APBB2: variants seen among roughly 807,000 people sequenced by gnomAD.
APBB2 encodes Fe65-like 1.
A neutral mutation model predicts 82.5 loss-of-function variants in APBB2; 38 were observed. The ratio of observed to expected loss-of-function variants is 0.46; its 90% confidence interval spans 0.36 to 0.60. APBB2 has a LOEUF of 0.60. Among genes scored for constraint, APBB2 ranks in the 20% least tolerant of loss-of-function variants. The probability of loss-of-function intolerance (pLI) is 0.00; values close to 1 mark genes in which losing one functional copy is unlikely to be tolerated. For synonymous variants in APBB2, 341 were observed against 368.2 expected (o/e 0.93, Z 0.85); for missense variants, 772 against 972.3 (o/e 0.79, Z 2.74).
chr4:40,858,307 A>G (rs898855732), intron 12 of APBB2, among the ~76,000 whole-genome samples: 1 of 152,226 alleles, frequency 6.6e-6, no homozygotes, highest in Middle Eastern at 3.4e-3. Flanking sequence ...GTTTCTGGGC[A>G]AGCGTAAGTT....
chr4:40,833,999 T>C lies in APBB2; in HGVS notation c.1530-3422A>G, dbSNP rs1353827474. Among the ~76,000 whole-genome samples the C allele has an allele frequency of 4.6e-5, 7 of 152,200 alleles. No individual in the cohort carries two copies. The East Asian group carries it at 1.3e-3, about 29-fold the overall frequency. ...AAAAAATTATGATTATTAATCTTCATTTTCCTCTGGCGCAGAGCAAGGTGA... is the reference window on the plus strand; with the variant it reads ...AAAAAATTATGATTATTAATCTTCACTTTCCTCTGGCGCAGAGCAAGGTGA... On this transcript the variant is annotated intron_variant, in intron 12 of 17. Coordinates refer to ENST00000508593, the MANE Select transcript of APBB2 (RefSeq NM_004307.2).
chr4:41,067,541 G>A (rs975531747), intron 3 of APBB2, among the ~76,000 whole-genome samples: 1 of 152,094 alleles, frequency 6.6e-6, no homozygotes, highest in African/African-American at 2.4e-5. Context: ...TTACAACATA[G>A]AAAGGAGCAG....
chr4:40,980,966 A>G (rs1798316699), intron 6 of APBB2, among the ~76,000 whole-genome samples: 1 of 152,070 alleles, frequency 6.6e-6, no homozygotes, highest in South Asian at 2.1e-4. Flanking sequence ...CCAATTAAAG[A>G]CCCCGCTGAA....
chr4:41,029,894 T>C (rs1478999066), intron 5 of APBB2, among the ~76,000 whole-genome samples: 1 of 152,096 alleles, frequency 6.6e-6, no homozygotes, highest in Non-Finnish European at 1.5e-5. Flanking sequence ...CGGTGGTTCA[T>C]GCCTGTAATC....
chr4:41,004,024 T>C (rs1460680168), intron 6 of APBB2, among the ~76,000 whole-genome samples: 2 of 152,076 alleles, frequency 1.3e-5, no homozygotes, highest in African/African-American at 4.8e-5. Context: ...GATTTTGGAT[T>C]TCTAGCCTCC....
chr4:40,985,746 C>T (rs1034015086), intron 6 of APBB2, among the ~76,000 whole-genome samples: 1 of 152,130 alleles, frequency 6.6e-6, no homozygotes, highest in Non-Finnish European at 1.5e-5. Context: ...CACCAACTCT[C>T]TAAGTATTAA....
intron 6 of APBB2, among the ~76,000 whole-genome samples, chr4:40,989,166 G>A (rs1431273746): frequency 1.3e-5 from 2 of 152,140 alleles, no homozygotes; most frequent in African/African-American, 4.8e-5. Flanking sequence ...AGTATTAACA[G>A]TCTCGTATAG....
chr4:40,902,991 T>A (rs1484745445), intron 10 of APBB2, among the ~76,000 whole-genome samples: 6 of 152,074 alleles, frequency 3.9e-5, no homozygotes, highest in African/African-American at 9.7e-5. Context: ...AAATTTTTTT[T>A]AATTAGCCAG....
chr4:40,973,787 T>C (rs978992969), intron 6 of APBB2, among the ~76,000 whole-genome samples: 2 of 151,974 alleles, frequency 1.3e-5, no homozygotes, highest in Non-Finnish European at 2.9e-5. Context: ...TCTTCACATA[T>C]CCATCTTCCT....
chr4:40,852,351 C>CAAA (rs771660810), intron 12 of APBB2, among the ~76,000 whole-genome samples: 5 of 94,000 alleles, frequency 5.3e-5, no homozygotes, highest in Admixed American at 2.2e-4. Flanking sequence ...ACTCTGTCTT[C>CAAA]AAAAAAAAAA....
At chr4:41,087,099 C>T (rs1165480259) in intron 3 of APBB2, among the ~76,000 whole-genome samples, 3 of 152,140 alleles carry the variant, frequency 2.0e-5, no homozygotes, top group Admixed American at 2.0e-4. Context: ...GTGATCACAC[C>T]ACTGCACTCC....
At chr4:41,160,719 C>A (rs1764934304) in intron 1 of APBB2, among the ~76,000 whole-genome samples, 1 of 152,096 alleles carries the variant, frequency 6.6e-6, no homozygotes, top group Non-Finnish European at 1.5e-5. Context: ...ACTTCTAGCT[C>A]AAAGAGAGGG....
At chr4:41,073,611 A>G (rs190323693) in intron 3 of APBB2, among the ~76,000 whole-genome samples, 392 of 152,378 alleles carry the variant, frequency 2.6e-3, no homozygotes, top group Non-Finnish European at 3.9e-3. Context: ...GTCAGACCAC[A>G]TACAGTATAC....
chr4:40,911,230 T>C (rs4861330), intron 10 of APBB2, among the ~76,000 whole-genome samples: 63,316 of 152,070 alleles, frequency 0.42, 13,393 homozygotes, highest in Middle Eastern at 0.5. Context: ...CTCGAATCCG[T>C]GGGCTCCTCA....
At chr4:41,164,899 A>T (rs1475673609) in intron 1 of APBB2, among the ~76,000 whole-genome samples, 2 of 152,224 alleles carry the variant, frequency 1.3e-5, no homozygotes, top group South Asian at 2.1e-4. Flanking sequence ...GTGTTTAAGT[A>T]CATATTAAAA....
chr4:41,213,049 T>C (rs1779714309), intron 1 of APBB2, among the ~76,000 whole-genome samples: 1 of 151,834 alleles, frequency 6.6e-6, no homozygotes, highest in South Asian at 2.1e-4. Flanking sequence ...TTATGGCCAT[T>C]TGGGGACAAG....
Position 40,907,345 on chromosome 4 carries a change from TTACATATA to T in APBB2, c.1255-13942_1255-13935del, listed in dbSNP as rs58696899. ...GCTTTATTTAATTTAATTTAATATA[TTACATATA>T]TATATATATATATATATATATATAT... is the stretch of plus-strand genomic sequence containing the variant. On this transcript the variant is annotated intron_variant, in intron 10 of 17. Transcript: ENST00000508593. Among the ~76,000 whole-genome samples, 240 of 104,936 alleles carry T rather than the reference TTACATATA, an allele frequency of 2.3e-3. 6 individuals are homozygous for T. The highest frequency in any genetic ancestry group is 6.3e-3 in the African/African-American group (158 of 25,242). 68.8% of individuals were successfully genotyped at this position (104,936 alleles called of 152,430 possible).
At chr4:40,998,302 A>G (rs1011677752) in intron 6 of APBB2, among the ~76,000 whole-genome samples, 1 of 152,236 alleles carries the variant, frequency 6.6e-6, no homozygotes, top group Non-Finnish European at 1.5e-5. Flanking sequence ...CACTGAACCA[A>G]TATGTTCCAA....
At chr4:41,136,290 T>C (rs937196779) in intron 2 of APBB2, among the ~76,000 whole-genome samples, 12 of 152,156 alleles carry the variant, frequency 7.9e-5, no homozygotes, top group African/African-American at 2.2e-4. Flanking sequence ...ATTCTGTGAA[T>C]AGGTCACAAA....
Sources: gnomAD v4.1 joint callset for allele counts (sites outside exome capture counted in the v4.1 genomes callset) on GRCh38, gnomAD v4.1.1 for gene constraint, MANE v1.5 for transcripts, NCBI Gene and HGNC (gene_info 2026-07-23, HGNC 2026-07-21) for gene names.